Variants in UGGT2 observed in about 807,000 individuals in gnomAD.
UGGT2 encodes the protein UDP-glucose:glycoprotein glucosyltransferase 2.
In UGGT2, 180 loss-of-function variants were observed where a neutral mutation model predicts 192.1. That is an observed-to-expected ratio of 0.94 (90% CI 0.83 to 1.06). UGGT2 has a LOEUF of 1.06. Ranked by LOEUF, UGGT2 falls within the 50% of genes least tolerant of loss-of-function variation. The probability of loss-of-function intolerance (pLI) is 0.00; values close to 1 mark genes in which losing one functional copy is unlikely to be tolerated. For missense variants in UGGT2, 1,849 were observed against 1,795.7 expected (o/e 1.03, Z -0.54); for synonymous variants, 580 against 591.0 (o/e 0.98, Z 0.27).
chr13:96,001,836 T>C (rs1360413389), intron 5 of UGGT2, among the ~76,000 whole-genome samples: 1 of 152,180 alleles, frequency 6.6e-6, no homozygotes, highest in Non-Finnish European at 1.5e-5. Flanking sequence ...CTCAGCCTAC[T>C]CAACATGACT....
At chr13:96,029,953 T>G (rs564999756) in intron 2 of UGGT2, among the ~76,000 whole-genome samples, 3 of 152,308 alleles carry the variant, frequency 2.0e-5, no homozygotes, top group East Asian at 3.9e-4. Flanking sequence ...TCTTGGATAC[T>G]TGACATTAAC....
chr13:96,023,830 T>C (rs2052587212), intron 2 of UGGT2, 71 bp from the exon 3 acceptor site: 3 of 1,263,966 alleles, frequency 2.4e-6, no homozygotes, highest in South Asian at 1.7e-5. Context: ...TCTTCCACTG[T>C]AAGGCTAACT....
intron 5 of UGGT2, among the ~76,000 whole-genome samples, chr13:96,003,581 G>A (rs1176148559): frequency 6.6e-6 from 1 of 152,168 alleles, no homozygotes; most frequent in Non-Finnish European, 1.5e-5. Flanking sequence ...TAGGGCTTAA[G>A]AGGTATTGCA....
chr13:95,904,427 A>G (rs2048211516), intron 20 of UGGT2, among the ~76,000 whole-genome samples: 2 of 144,406 alleles, frequency 1.4e-5, no homozygotes, highest in South Asian at 4.8e-4. Context: ...TATATCTCCT[A>G]ATGCTATCCC....
At chr13:95,873,123 G>A (rs1891356381) in intron 29 of UGGT2, among the ~76,000 whole-genome samples, 1 of 152,154 alleles carries the variant, frequency 6.6e-6, no homozygotes, top group Non-Finnish European at 1.5e-5. Flanking sequence ...AAACGGTAGT[G>A]GCAGATATAG....
Position 96,037,444 on chromosome 13 carries a change from G to C in UGGT2, c.159-5473C>G, listed in dbSNP as rs559651000. The stretch of plus-strand genomic sequence containing the variant: ...AAATTCCTGACCTCATGATCTGCCC[G>C]CCTCGGCCTCCCCAAGTGCTGGGAC... On this transcript the variant is annotated intron_variant, in intron 1 of 38. Transcript: ENST00000376747. Among the ~76,000 whole-genome samples, 958 of 152,236 alleles carry C rather than the reference G, an allele frequency of 6.3e-3. 5 individuals carry two copies. The highest frequency in any genetic ancestry group is 0.011 in the Non-Finnish European group (735 of 68,010).
At chr13:95,928,322 G>C (rs919793874) in intron 17 of UGGT2, among the ~76,000 whole-genome samples, 1 of 151,586 alleles carries the variant, frequency 6.6e-6, no homozygotes. Flanking sequence ...CCGACGGGAC[G>C]GCTGGCCTGG....
chr13:95,941,966 C>T (rs1233498150), intron 15 of UGGT2, among the ~76,000 whole-genome samples: 1 of 152,068 alleles, frequency 6.6e-6, no homozygotes, highest in Non-Finnish European at 1.5e-5. Flanking sequence ...TACGTATTCC[C>T]ATACTTAGTT....
chr13:95,924,393 C>CTTTTTTTTTTTTTTTTTTTTTTTTTTTTT lies in UGGT2; in HGVS notation c.2295+1258_2295+1286dup, dbSNP rs59757283. 4.7e-4 allele frequency among the ~76,000 whole-genome samples: 30 copies of CTTTTTTTTTTTTTTTTTTTTTTTTTTTTT among 63,356 alleles called. 2 individuals carry two copies. Among genetic ancestry groups the CTTTTTTTTTTTTTTTTTTTTTTTTTTTTT allele is most frequent in the Non-Finnish European group, 6.0e-4 (19 of 31,670 alleles). The allele number at this position is 63,356 out of a possible 152,430, so 41.6% of individuals were successfully genotyped here. On this transcript the variant is annotated intron_variant, in intron 20 of 38. Coordinates refer to ENST00000376747, the MANE Select transcript of UGGT2 (RefSeq NM_020121.4). ...AATAGATGTAATAGATCCCAAACAG[C>CTTTTTTTTTTTTTTTTTTTTTTTTTTTTT]TTTTTTTTTTTTTTTTTTTTTTTTT...
Position 95,970,138 on chromosome 13 carries a change from A to G in UGGT2, c.1309T>C (p.Leu437=), listed in dbSNP as rs1413977936. The G allele has an allele frequency of 6.2e-6, 10 of 1,608,982 alleles. No homozygotes were observed. The highest frequency in any genetic ancestry group is 8.5e-6 in the Non-Finnish European group (10 of 1,175,744). ...NSHIWEYTYV[L]DIRHSSIMWI... ...ATTATAGAAGAATGTCGAATATCTA[A>G]TACATAAGTATATTCCCAAATGTGT... Residue 437 remains leucine (L), a synonymous_variant, in exon 12 of 39, where the codon TTA becomes CTA. Coordinates refer to ENST00000376747, the MANE Select transcript of UGGT2 (RefSeq NM_020121.4).
chr13:95,850,114 C>T (rs973353408), intron 36 of UGGT2, among the ~76,000 whole-genome samples: 1 of 151,858 alleles, frequency 6.6e-6, no homozygotes, highest in African/African-American at 2.4e-5. Context: ...AGGTTGAGAT[C>T]TTTTTTCTTT....
rs146996215 is a variant in UGGT2, at chr13:95,997,674, T to C, written c.757+1537A>G. 3.2e-3 allele frequency among the ~76,000 whole-genome samples: 494 copies of C among 152,038 alleles called. 1 individual carries two copies. The highest frequency in any genetic ancestry group is 0.017 in the Middle Eastern group (5 of 294). ...AAAAAAGAAAAAGATGTGAAGTCTT[T>C]AGAAGAAATGAAAGAAGTGAAGACA... On this transcript the variant is annotated intron_variant, in intron 6 of 38. Coordinates refer to ENST00000376747, the MANE Select transcript of UGGT2 (RefSeq NM_020121.4).
chr13:95,942,222 G>T (rs2049707245), intron 15 of UGGT2, among the ~76,000 whole-genome samples: 3 of 78,448 alleles, frequency 3.8e-5, no homozygotes, highest in Admixed American at 3.0e-4. Context: ...TAGGGTGAGG[G>T]TGTGTGTGTG....
chr13:95,988,358 G>A (rs1489353741), intron 8 of UGGT2, among the ~76,000 whole-genome samples: 1 of 152,066 alleles, frequency 6.6e-6, no homozygotes, highest in East Asian at 1.9e-4. Context: ...TTTCATTTTA[G>A]AAAGATTATC....
chr13:96,023,242 T>G, intron 3 of UGGT2, 90 bp from the exon 4 acceptor site: 1 of 1,040,128 alleles, frequency 9.6e-7, no homozygotes, highest in Non-Finnish European at 1.3e-6. Context: ...TTAAAATAAC[T>G]CATCAACTAC....
chr13:96,024,070 A>G (rs554139531), intron 2 of UGGT2, among the ~76,000 whole-genome samples: 117 of 152,248 alleles, frequency 7.7e-4, no homozygotes, highest in Admixed American at 3.5e-3. Flanking sequence ...AGGATAAGAT[A>G]TAAGTCCTAC....
chr13:95,881,280 C>T (rs913330146), intron 27 of UGGT2, among the ~76,000 whole-genome samples: 1 of 152,044 alleles, frequency 6.6e-6, no homozygotes, highest in East Asian at 1.9e-4. Flanking sequence ...AGAACAAATC[C>T]CTTGTGGATT....
intron 20 of UGGT2, among the ~76,000 whole-genome samples, chr13:95,912,433 T>C (rs2048532315): frequency 6.6e-6 from 1 of 152,124 alleles, no homozygotes; most frequent in Non-Finnish European, 1.5e-5. Context: ...AGCATTCCTA[T>C]ACACCATTAA....
In UGGT2 at chr13:95,946,466, C is replaced by T. The variant is rs573382557; in HGVS notation, c.1677+571G>A. On this transcript the variant is annotated intron_variant, in intron 15 of 38. Coordinates refer to ENST00000376747, the MANE Select transcript of UGGT2 (RefSeq NM_020121.4). The stretch of plus-strand genomic sequence containing the variant: ...TCATTGCAGCCTCAACCTTCTGGGC[C>T]CAAATGATCCTCCCACATCAGTCTC... Among the ~76,000 whole-genome samples the T allele has an allele frequency of 1.6e-4, 25 of 152,274 alleles. No individual in the cohort carries two copies. In the South Asian group the frequency reaches 1.9e-3, roughly 11 times the overall value.
Sources: allele counts gnomAD v4.1 joint callset (sites outside exome capture counted in the v4.1 genomes callset), GRCh38; gene constraint gnomAD v4.1.1; transcripts MANE v1.5; gene names NCBI Gene and HGNC (gene_info 2026-07-23, HGNC 2026-07-21).